ADAMTS16: variants seen among roughly 807,000 people sequenced by gnomAD.
The protein encoded by ADAMTS16 is A disintegrin and metalloproteinase with thrombospondin motifs 16.
ADAMTS16 carries 94 observed loss-of-function variants against 145.8 expected under a neutral mutation model. The observed-to-expected ratio is 0.64, with a 90% confidence interval of 0.55 to 0.77. The LOEUF (loss-of-function observed/expected upper bound fraction) is 0.77, where lower values mean the gene tolerates loss of function less well. Among genes scored for constraint, ADAMTS16 ranks in the 30% least tolerant of loss-of-function variants. The pLI, the probability that ADAMTS16 is intolerant of heterozygous loss-of-function variation, is 0.00. For synonymous variants in ADAMTS16, 659 were observed against 604.3 expected (o/e 1.09, Z -1.33); for missense variants, 1,585 against 1,591.5 (o/e 1.00, Z 0.07).
At chr5:5,235,317 T>G (rs1278886685) in intron 13 of ADAMTS16, 131 bp downstream of exon 13, 1 of 982,786 alleles carries the variant, frequency 1.0e-6, no homozygotes, top group Non-Finnish European at 1.4e-6. Context: ...TCGCATATTC[T>G]CTTCTGGAGG....
intron 18 of ADAMTS16, among the ~76,000 whole-genome samples, chr5:5,276,027 T>G (rs1444478253): frequency 6.6e-6 from 1 of 151,962 alleles, no homozygotes; most frequent in Non-Finnish European, 1.5e-5. Flanking sequence ...CTCAGCTGAT[T>G]TTTGTATTTT....
chr5:5,195,177 A>G (rs894247981), intron 8 of ADAMTS16, among the ~76,000 whole-genome samples: 1 of 147,158 alleles, frequency 6.8e-6, no homozygotes. Flanking sequence ...CAGAACTGAG[A>G]TATGTGTTCT....
rs1336404901 is a variant in ADAMTS16 at position 5,216,317 on chromosome 5, G to A, written c.1606-6472G>A. On this transcript the variant is annotated intron_variant, in intron 10 of 22. Coordinates refer to ENST00000274181, the MANE Select transcript of ADAMTS16 (RefSeq NM_139056.4). ...AGTGATGTTGAGCAGTTTTTCATATGTTTGTTGGCCATTTGTATATCTTCT... is the reference window on the plus strand; with the variant it reads ...AGTGATGTTGAGCAGTTTTTCATATATTTGTTGGCCATTTGTATATCTTCT... Among the ~76,000 whole-genome samples the A allele has an allele frequency of 5.3e-5, 8 of 151,932 alleles. No homozygotes were observed. The East Asian group carries it at 1.5e-3, about 29-fold the overall frequency.
At chr5:5,229,247 G>T (rs976991070) in intron 11 of ADAMTS16, among the ~76,000 whole-genome samples, 8 of 143,036 alleles carry the variant, frequency 5.6e-5, no homozygotes, top group African/African-American at 2.1e-4. Flanking sequence ...GCAGTGAGCC[G>T]AGATTGCGCC....
In ADAMTS16 at chr5:5,275,616, T is replaced by C. The variant is rs116017841; in HGVS notation, c.2789+12833T>C. ...TCCACTTTGTATTGTTAGATAGTTATAGTTTCTGCATAAATTGTTCTTTTG... is the reference window on the plus strand; with the variant it reads ...TCCACTTTGTATTGTTAGATAGTTACAGTTTCTGCATAAATTGTTCTTTTG... On this transcript the variant is annotated intron_variant, in intron 18 of 22. Coordinates refer to ENST00000274181, the MANE Select transcript of ADAMTS16 (RefSeq NM_139056.4). Among the ~76,000 whole-genome samples the C allele has an allele frequency of 5.7e-3, 868 of 152,324 alleles. 13 individuals are homozygous for C. The highest frequency in any genetic ancestry group is 0.02 in the African/African-American group (825 of 41,566).
intron 18 of ADAMTS16, among the ~76,000 whole-genome samples, chr5:5,295,048 T>G (rs1246159601): frequency 6.6e-6 from 1 of 152,244 alleles, no homozygotes; most frequent in Non-Finnish European, 1.5e-5. Context: ...TTATTTTCAC[T>G]TAAAAGACAC....
chr5:5,183,144 G>T (rs556756095), intron 4 of ADAMTS16, among the ~76,000 whole-genome samples: 1 of 152,328 alleles, frequency 6.6e-6, no homozygotes. Flanking sequence ...TGTGTCCTCT[G>T]AACCCCTTTC....
chr5:5,264,079 G>A (rs1442256812), intron 18 of ADAMTS16, among the ~76,000 whole-genome samples: 1 of 152,198 alleles, frequency 6.6e-6, no homozygotes, highest in Non-Finnish European at 1.5e-5. Flanking sequence ...TGAGCCTGGG[G>A]TCTTTAGAGG....
chr5:5,180,408 A>G (rs1735309131), intron 3 of ADAMTS16, among the ~76,000 whole-genome samples: 1 of 152,200 alleles, frequency 6.6e-6, no homozygotes, highest in Non-Finnish European at 1.5e-5. Context: ...CTGTAATCCA[A>G]TGATCCAGCA....
chr5:5,165,593 A>G (rs534243978), intron 3 of ADAMTS16, among the ~76,000 whole-genome samples: 2 of 152,286 alleles, frequency 1.3e-5, no homozygotes, highest in African/African-American at 4.8e-5. Flanking sequence ...GTTGTGAGAG[A>G]CTGGATATCA....
intron 2 of ADAMTS16, among the ~76,000 whole-genome samples, chr5:5,144,555 A>C (rs181066348): frequency 1.4e-3 from 211 of 152,352 alleles, no homozygotes; most frequent in African/African-American, 4.7e-3. Flanking sequence ...ATATTTACAT[A>C]AACTTTTTAA....
At chr5:5,175,052 T>C (rs1735149276) in intron 3 of ADAMTS16, among the ~76,000 whole-genome samples, 1 of 152,202 alleles carries the variant, frequency 6.6e-6, no homozygotes, top group African/African-American at 2.4e-5. Flanking sequence ...CTTTTCCTCC[T>C]ACTTTCCTTA....
intron 18 of ADAMTS16, among the ~76,000 whole-genome samples, chr5:5,267,319 C>T (rs777047511): frequency 1.3e-5 from 2 of 152,192 alleles, no homozygotes; most frequent in Non-Finnish European, 2.9e-5. Flanking sequence ...TTGCCTTATC[C>T]CGAGGACAGA....
intron 17 of ADAMTS16, among the ~76,000 whole-genome samples, chr5:5,253,980 G>A (rs2964410): frequency 6.6e-6 from 1 of 152,158 alleles, no homozygotes; most frequent in African/African-American, 2.4e-5. Flanking sequence ...GTGTCTTTTC[G>A]CGTGAATCTC....
chr5:5,162,759 AGAGAGGAGAGGAGAG>A (rs10545197), intron 3 of ADAMTS16, among the ~76,000 whole-genome samples: 9 of 150,094 alleles, frequency 6.0e-5, no homozygotes, highest in Admixed American at 4.0e-4. Flanking sequence ...AGAGAAGAGA[AGAGAGGAGAGGAGAG>A]GAGAGGAGAG....
chr5:5,155,719 G>A (rs1734584298), intron 3 of ADAMTS16, among the ~76,000 whole-genome samples: 1 of 152,066 alleles, frequency 6.6e-6, no homozygotes, highest in African/African-American at 2.4e-5. Context: ...CAGCAAGGGT[G>A]AAGTGAGAAT....
chr5:5,176,675 C>T (rs1735205523), intron 3 of ADAMTS16, among the ~76,000 whole-genome samples: 1 of 152,150 alleles, frequency 6.6e-6, no homozygotes, highest in Non-Finnish European at 1.5e-5. Context: ...TGAGTAAATC[C>T]ACAGTCAATG....
At chr5:5,261,458 C>G (rs1483056855) in intron 17 of ADAMTS16, among the ~76,000 whole-genome samples, 1 of 150,336 alleles carries the variant, frequency 6.7e-6, no homozygotes, top group East Asian at 2.0e-4. Context: ...TCTTTAATAT[C>G]ATTCCTCAAA....
At chr5:5,252,416 G>T (rs1385596543) in intron 17 of ADAMTS16, among the ~76,000 whole-genome samples, 1 of 152,102 alleles carries the variant, frequency 6.6e-6, no homozygotes, top group Non-Finnish European at 1.5e-5. Context: ...TTTTAAAGTG[G>T]CATTTCAGGG....
Sources: allele counts gnomAD v4.1 joint callset (sites outside exome capture counted in the v4.1 genomes callset), GRCh38; gene constraint gnomAD v4.1.1; transcripts MANE v1.5; gene names NCBI Gene and HGNC (gene_info 2026-07-23, HGNC 2026-07-21).